KLC1: variants seen among roughly 807,000 people sequenced by gnomAD.
KLC1 encodes the protein kinesin 2 60/70kDa.
A neutral mutation model predicts 84.2 loss-of-function variants in KLC1; 30 were observed. The observed-to-expected ratio is 0.36, with a 90% CI of 0.27 to 0.48. The LOEUF (loss-of-function observed/expected upper bound fraction) is 0.48. Ranked by LOEUF, KLC1 falls within the 20% of genes least tolerant of loss-of-function variation. KLC1 has a pLI of 0.99. For missense variants in KLC1, 499 were observed against 805.4 expected (o/e 0.62, Z 4.60); for synonymous variants, 289 against 293.3 (o/e 0.99, Z 0.15).
At chr14:103,684,194 C>A (rs1157032895) in intron 13 of KLC1, among the ~76,000 whole-genome samples, 1 of 152,162 alleles carries the variant, frequency 6.6e-6, no homozygotes, top group African/African-American at 2.4e-5. Flanking sequence ...ACTAGTAAGA[C>A]AACTAGAATA....
rs1301279531 is a variant in KLC1, at chr14:103,642,769, G to GTT, written c.-1-11780_-1-11779dup. On this transcript the variant is annotated intron_variant, in intron 1 of 16. Coordinates refer to ENST00000334553, the MANE Select transcript of KLC1 (RefSeq NM_001394837.1). ...AATAATGTAGTTTTTTGGTTTTTTG[G>GTT]TTTTTTTTTTTTTTTTGAGACGGAG... 2.6e-4 allele frequency among the ~76,000 whole-genome samples: 36 copies of GTT among 139,940 alleles called. 1 individual carries two copies. Among genetic ancestry groups the GTT allele is most frequent in the Admixed American group, 4.3e-4 (6 of 13,818 alleles). 91.8% of individuals were successfully genotyped at this position (139,940 alleles called of 152,430 possible).
chr14:103,680,274 A>T (rs2081244916), intron 13 of KLC1, among the ~76,000 whole-genome samples: 1 of 140,110 alleles, frequency 7.1e-6, no homozygotes, highest in African/African-American at 2.6e-5. Context: ...TAGCACATGG[A>T]TTTTTTTTTT....
At chr14:103,697,093 A>G (rs1213998745) in intron 15 of KLC1, 5 of 985,362 alleles carry the variant, frequency 5.1e-6, no homozygotes, top group Non-Finnish European at 6.0e-6. Context: ...CTTGCCTAGA[A>G]AAGCATTTGG....
chr14:103,644,432 T>G (rs924141996), intron 1 of KLC1, among the ~76,000 whole-genome samples: 1 of 151,872 alleles, frequency 6.6e-6, no homozygotes, highest in Non-Finnish European at 1.5e-5. Flanking sequence ...CTAATTTTTT[T>G]GTGTTTTTAG....
chr14:103,664,009 A>G (rs2079530198), intron 5 of KLC1, among the ~76,000 whole-genome samples: 1 of 152,178 alleles, frequency 6.6e-6, no homozygotes, highest in African/African-American at 2.4e-5. Flanking sequence ...TAACAACACT[A>G]TTTAAAATGA....
chr14:103,693,867 G>A lies in KLC1; in HGVS notation c.1848+1442G>A. Reference sequence around the variant, plus strand: ...CGACCCGGCCAGGCTGGCTCAGGGAGGCCGAGGTGGCGCTGAGGTGGCTTC... The same window carrying A: ...CGACCCGGCCAGGCTGGCTCAGGGAAGCCGAGGTGGCGCTGAGGTGGCTTC... On this transcript the variant is annotated intron_variant, in intron 15 of 16. Coordinates refer to ENST00000334553, the MANE Select transcript of KLC1 (RefSeq NM_001394837.1). The surrounding 1 kb of genome is among the most constrained non-coding windows in gnomAD (Gnocchi z 5.1). The A allele has an allele frequency of 2.2e-6, 3 of 1,359,744 alleles. No individual in the cohort carries two copies. Among genetic ancestry groups the A allele is most frequent in the Non-Finnish European group, 1.9e-6 (2 of 1,058,228 alleles). 84.2% of individuals were successfully genotyped at this position (1,359,744 alleles called of 1,614,324 possible). A position where few individuals can be genotyped will look rare whatever the true frequency, so the allele number is the denominator to read the frequency against.
chr14:103,636,416 C>CT lies in KLC1; in HGVS notation c.-2+6923dup, dbSNP rs550276739. 9.7e-4 allele frequency among the ~76,000 whole-genome samples: 148 copies of CT among 152,136 alleles called. No homozygotes were observed. In the South Asian group the frequency reaches 0.013, roughly 13 times the overall value. ...TTGTATTTTTAGTAGAGATGGGTTT[C>CT]TCCATGTTGGTCAGGCTGGTCTTGA... On this transcript the variant is annotated intron_variant, in intron 1 of 16. Transcript: ENST00000334553.
chr14:103,674,571 C>T (rs567443981), intron 9 of KLC1, among the ~76,000 whole-genome samples: 91 of 152,070 alleles, frequency 6.0e-4, no homozygotes, highest in African/African-American at 1.9e-3. Flanking sequence ...CACACCACCA[C>T]GCCCGGCTAA....
chr14:103,639,908 C>A (rs187420331), intron 1 of KLC1, among the ~76,000 whole-genome samples: 28 of 152,204 alleles, frequency 1.8e-4, no homozygotes, highest in African/African-American at 6.5e-4. Flanking sequence ...GTGCATGTCA[C>A]CACACCCAGC....
chr14:103,654,195 T>G (rs1183954872), intron 1 of KLC1, among the ~76,000 whole-genome samples: 1 of 152,224 alleles, frequency 6.6e-6, no homozygotes, highest in Non-Finnish European at 1.5e-5. Flanking sequence ...TTACCAAGAA[T>G]GTAGTGTTCT....
chr14:103,676,376 C>T (rs921226621), intron 11 of KLC1, among the ~76,000 whole-genome samples: 1 of 152,142 alleles, frequency 6.6e-6, no homozygotes, highest in Non-Finnish European at 1.5e-5. Flanking sequence ...TCAAGTGATT[C>T]TCCTGCCTCA....
chr14:103,671,008 A>G lies in KLC1; in HGVS notation c.987+725A>G, dbSNP rs1341205844. ...GAGTCTGATGCTGTCCAAGCCTGAT[A>G]TGGCCTAGAAGTGACTCTGATTGAA... On this transcript the variant is annotated intron_variant, in intron 7 of 16. Transcript: ENST00000334553. Among the ~76,000 whole-genome samples the G allele has an allele frequency of 2.0e-5, 3 of 152,264 alleles. 1 individual carries two copies. The highest frequency in any genetic ancestry group is 2.9e-5 in the Non-Finnish European group (2 of 68,024).
intron 1 of KLC1, among the ~76,000 whole-genome samples, chr14:103,643,604 G>C (rs1169350222): frequency 1.3e-5 from 2 of 152,136 alleles, no homozygotes; most frequent in Non-Finnish European, 2.9e-5. Context: ...TTTTAGAGAG[G>C]CATGAGACAT....
At position 103,670,235 on chromosome 14, in the gene KLC1, C is replaced by T. The variant is rs376553610; in HGVS notation, c.939C>T (p.Tyr313=). The T allele has an allele frequency of 1.9e-6, 3 of 1,611,252 alleles. No individual in the cohort carries two copies. The highest frequency in any genetic ancestry group is 1.7e-6 in the Non-Finnish European group (2 of 1,178,614). The change falls in exon 7 of 17, where the codon TAC becomes TAT. Residue 313 remains tyrosine (Y), a synonymous_variant. Transcript: ENST00000334553. Reference sequence around the variant, plus strand: ...TCCTTTATGGTAAAAGAGGGAAGTACAAAGAAGCAGAGCCGTTGTGTAAAA... The same window carrying T: ...TCCTTTATGGTAAAAGAGGGAAGTATAAAGAAGCAGAGCCGTTGTGTAAAA... ...LAVLYGKRGK[Y]KEAEPLCKRA...
intron 13 of KLC1, chr14:103,684,882 G>C: frequency 1.4e-6 from 1 of 710,680 alleles, no homozygotes; most frequent in South Asian, 1.5e-5. Context: ...CGATACGTTA[G>C]CATTTTAGCA....
intron 1 of KLC1, among the ~76,000 whole-genome samples, chr14:103,644,983 CTTTCTT>C (rs1299287165): frequency 6.6e-6 from 1 of 151,194 alleles, no homozygotes; most frequent in African/African-American, 2.4e-5. Flanking sequence ...CTCTCTCTTT[CTTTCTT>C]TTTCTTTGAG....
intron 14 of KLC1, among the ~76,000 whole-genome samples, chr14:103,690,610 A>G (rs1265608402): frequency 7.1e-6 from 1 of 140,412 alleles, no homozygotes; most frequent in Non-Finnish European, 1.5e-5. Flanking sequence ...TGGCTTTCCC[A>G]GGAACTGCTG....
At chr14:103,682,983 T>C (rs2081492453) in intron 13 of KLC1, 1 of 152,124 alleles carries the variant, frequency 6.6e-6, no homozygotes, top group Non-Finnish European at 1.5e-5. Flanking sequence ...AGTTACAGCT[T>C]CAGCAGAAGT....
intron 9 of KLC1, among the ~76,000 whole-genome samples, chr14:103,673,922 C>CAA (rs113413878): frequency 3.7e-5 from 5 of 134,078 alleles, no homozygotes; most frequent in Non-Finnish European, 4.8e-5. Flanking sequence ...GACTCTGTCT[C>CAA]AAAAAAAAAA....
Sources: gnomAD v4.1 joint callset for allele counts (sites outside exome capture counted in the v4.1 genomes callset) on GRCh38, gnomAD v4.1.1 for gene constraint, Gnocchi (gnomAD v3.1) non-coding constraint, MANE v1.5 for transcripts, NCBI Gene and HGNC (gene_info 2026-07-23, HGNC 2026-07-21) for gene names.